Variants in HECW2 observed in about 807,000 individuals in gnomAD.
HECW2 encodes HECT, C2 and WW domain containing E3 ubiquitin protein ligase 2.
Under a neutral mutation model 175.2 loss-of-function variants are expected in HECW2, and 61 were observed. The ratio of observed to expected loss-of-function variants is 0.35; its 90% confidence interval spans 0.28 to 0.43. The LOEUF is 0.43. HECW2 is among the 20% of genes least tolerant of loss of function. HECW2 has a pLI of 1.00. For synonymous variants in HECW2, 671 were observed against 731.0 expected, an observed-to-expected ratio of 0.92 and a Z score of 1.32; for missense variants, 1,524 against 2,000.5, an observed-to-expected ratio of 0.76 and a Z score of 4.54.
At chr2:196,576,923 C>G (rs1201851518) in intron 1 of HECW2, among the ~76,000 whole-genome samples, 1 of 152,136 alleles carries the variant, frequency 6.6e-6, no homozygotes, top group Non-Finnish European at 1.5e-5. Context: ...TTGGATTCAT[C>G]AGTCAATCCA....
At chr2:196,487,827 A>G (rs934273413) in intron 1 of HECW2, among the ~76,000 whole-genome samples, 16 of 152,250 alleles carry the variant, frequency 1.1e-4, no homozygotes, top group African/African-American at 3.9e-4. Flanking sequence ...ACTAGGCAGT[A>G]TTCCCAAGGG....
intron 28 of HECW2, among the ~76,000 whole-genome samples, chr2:196,206,269 C>T (rs1453402760): frequency 1.3e-5 from 2 of 152,320 alleles, no homozygotes; most frequent in East Asian, 1.9e-4. Context: ...CAGGTCTGAA[C>T]CCATCTTTGG....
At position 196,318,628 on chromosome 2, in the gene HECW2, C is replaced by T. The variant is rs765240680; in HGVS notation, c.2262G>A (p.Pro754=). 1.8e-5 allele frequency: 29 copies of T among 1,590,124 alleles called. No homozygotes were observed. The highest frequency in any genetic ancestry group is 3.5e-5 in the South Asian group (3 of 86,830). ...EGAAAAAESP[P]QEEGSAGEAQ... ...CCTCCCCAGCACTGCCTTCTTCTTG[C>T]GGTGGGCTCTCGGCAGCAGCTGCAG... Residue 754 remains proline, a synonymous_variant, in exon 9 of 29, where the codon CCG becomes CCA. Coordinates refer to ENST00000644978, the MANE Select transcript of HECW2 (RefSeq NM_001348768.2).
At chr2:196,457,069 C>G (rs759653789) in intron 1 of HECW2, among the ~76,000 whole-genome samples, 6 of 152,178 alleles carry the variant, frequency 3.9e-5, no homozygotes, top group African/African-American at 1.4e-4. Flanking sequence ...TAGAAAGTAT[C>G]TGGAAAGAAT....
rs138571170 is a variant in HECW2, at chr2:196,447,920, G to A, written c.-35-14462C>T. ...AAAATACAAAAAAAGCTAGCCATGC[G>A]TGGTGGCGCACACCTGTAGTCCCAG... On this transcript the variant is annotated intron_variant, in intron 1 of 28. Transcript: ENST00000644978. Among the ~76,000 whole-genome samples the A allele has an allele frequency of 3.0e-4, 45 of 152,200 alleles. No homozygotes were observed. In the East Asian group the frequency reaches 7.7e-3, roughly 26 times the overall value.
At chr2:196,520,019 C>A (rs2125431101) in intron 1 of HECW2, among the ~76,000 whole-genome samples, 1 of 152,248 alleles carries the variant, frequency 6.6e-6, no homozygotes, top group South Asian at 2.1e-4. Context: ...TGCCTCCTTC[C>A]ATGAACATGA....
At chr2:196,324,856 C>G (rs1296172672) in intron 6 of HECW2, 124 bp downstream of exon 6, 1 of 678,348 alleles carries the variant, frequency 1.5e-6, no homozygotes, top group Non-Finnish European at 2.3e-6. Context: ...CTCATTGTAC[C>G]CCTTCCCAGC....
At chr2:196,360,789 C>T (rs1336586362) in intron 2 of HECW2, among the ~76,000 whole-genome samples, 1 of 152,010 alleles carries the variant, frequency 6.6e-6, no homozygotes, top group African/African-American at 2.4e-5. Context: ...TCTGTGGGTC[C>T]CTCCCCAAAA....
chr2:196,496,209 GTGTGTGTGTGTC>G (rs1438507289), intron 1 of HECW2, among the ~76,000 whole-genome samples: 4 of 151,646 alleles, frequency 2.6e-5, no homozygotes, highest in African/African-American at 9.7e-5. Flanking sequence ...ACCTTTGTAT[GTGTGTGTGTGTC>G]TGTGTGTGTG....
intron 1 of HECW2, among the ~76,000 whole-genome samples, chr2:196,536,845 G>A (rs1281514607): frequency 6.6e-6 from 1 of 152,150 alleles, no homozygotes; most frequent in East Asian, 1.9e-4. Context: ...GATCTTTGAT[G>A]GCTGCATTGG....
At chr2:196,545,334 G>A (rs1453630892) in intron 1 of HECW2, among the ~76,000 whole-genome samples, 1 of 152,132 alleles carries the variant, frequency 6.6e-6, no homozygotes, top group African/African-American at 2.4e-5. Context: ...AAAGGGTAAG[G>A]ATATGAGCTG....
chr2:196,207,061 G>A (rs1431279432), intron 28 of HECW2, among the ~76,000 whole-genome samples: 1 of 152,206 alleles, frequency 6.6e-6, no homozygotes, highest in Admixed American at 6.5e-5. Context: ...GGAAACCTGA[G>A]AGGGGCAAGC....
intron 21 of HECW2, among the ~76,000 whole-genome samples, chr2:196,233,300 T>C (rs10183339): frequency 0.13 from 19,606 of 152,082 alleles, 1,619 homozygotes; most frequent in African/African-American, 0.23. Flanking sequence ...GGCCATGTAG[T>C]CTGGAGCCCC....
intron 1 of HECW2, among the ~76,000 whole-genome samples, chr2:196,542,880 CTATA>C (rs200141901): frequency 0.053 from 7,760 of 147,164 alleles, 238 homozygotes; most frequent in Middle Eastern, 0.11. Flanking sequence ...TAATATATAT[CTATA>C]TATAGGTATA....
intron 1 of HECW2, among the ~76,000 whole-genome samples, chr2:196,571,078 G>A (rs980134112): frequency 6.6e-5 from 10 of 152,136 alleles, no homozygotes; most frequent in Non-Finnish European, 7.3e-5. Context: ...ATGAAATGCT[G>A]TGTTAATTGC....
chr2:196,560,755 A>G (rs10181511), intron 1 of HECW2, among the ~76,000 whole-genome samples: 7,698 of 152,262 alleles, frequency 0.051, 646 homozygotes, highest in African/African-American at 0.17. Flanking sequence ...GCGAACGGAG[A>G]GACTTGCTGA....
chr2:196,453,058 A>G (rs922485849), intron 1 of HECW2, among the ~76,000 whole-genome samples: 2 of 152,200 alleles, frequency 1.3e-5, no homozygotes, highest in Non-Finnish European at 2.9e-5. Context: ...TCTAAGGAAT[A>G]TGTTTAGGCA....
chr2:196,202,797 A>G (rs1246223303), intron 28 of HECW2, among the ~76,000 whole-genome samples: 1 of 152,218 alleles, frequency 6.6e-6, no homozygotes, highest in Non-Finnish European at 1.5e-5. Context: ...AGTATTCCTT[A>G]TCCAAAATGC....
chr2:196,235,667 T>TTTTTTTTC (rs1688222695), intron 21 of HECW2, among the ~76,000 whole-genome samples: 1 of 127,734 alleles, frequency 7.8e-6, no homozygotes, highest in Non-Finnish European at 1.6e-5. Context: ...TTTTTTTTTT[T>TTTTTTTTC]TTTTTTGAGA....
Sources: gnomAD v4.1 joint callset for allele counts (sites outside exome capture counted in the v4.1 genomes callset) on GRCh38, gnomAD v4.1.1 for gene constraint, MANE v1.5 for transcripts, NCBI Gene and HGNC (gene_info 2026-07-23, HGNC 2026-07-21) for gene names.